The following DNAAF9 variants were observed in gnomAD, a reference collection of about 807,000 sequenced individuals.
DNAAF9 encodes dynein axonemal assembly factor 9, also known as shulin.
In DNAAF9, 90 loss-of-function variants were observed where a neutral mutation model predicts 167.0. That is an observed-to-expected ratio of 0.54 (90% CI 0.45 to 0.64). DNAAF9 has a LOEUF of 0.64. DNAAF9 is among the 30% of genes least tolerant of loss of function. The pLI is 0.00. For synonymous variants in DNAAF9, 491 were observed against 508.8 expected, an observed-to-expected ratio of 0.96 and a Z score of 0.47; for missense variants, 1,315 against 1,442.2, an observed-to-expected ratio of 0.91 and a Z score of 1.43.
In DNAAF9 at chr20:3,298,120, G is replaced by A. The variant is rs575069868; in HGVS notation, c.1838C>T (p.Pro613Leu). Residue 613 changes from proline (P) to leucine (L), a missense_variant, in exon 22 of 37, where the codon CCT (proline) becomes CTT (leucine). By Grantham distance (98) the Pro-to-Leu change is moderately conservative (BLOSUM62 -3). Around this residue, in one of 2 missense-constraint regions of DNAAF9, gnomAD observed 981 missense variants for 1,012.5 expected, o/e 0.97. Coordinates refer to ENST00000252032, the MANE Select transcript of DNAAF9 (RefSeq NM_001009984.3). ...TCCATGGAAATGAACTGGGAGGTGAGGAAGCAATGAGCTTTTGAAGTCTAT... is the reference window on the plus strand; with the variant it reads ...TCCATGGAAATGAACTGGGAGGTGAAGAAGCAATGAGCTTTTGAAGTCTAT... ...LLIDFKSSLL[P>L]HLPVHFHGSS... 1.9e-5 allele frequency: 31 copies of A among 1,613,100 alleles called. No individual in the cohort carries two copies. In the South Asian group the frequency reaches 3.1e-4, roughly 16 times the overall value.
At chr20:3,343,805 A>G in intron 8 of DNAAF9, 74 bp from the exon 9 acceptor site, 3 of 1,072,892 alleles carry the variant, frequency 2.8e-6, no homozygotes, top group Non-Finnish European at 2.9e-6. Flanking sequence ...TCACATATGT[A>G]TGTATGTACA....
At chr20:3,270,388 A>T in intron 30 of DNAAF9, 39 bp downstream of exon 30, 1 of 1,590,168 alleles carries the variant, frequency 6.3e-7, no homozygotes. Context: ...GCTGTATCTG[A>T]GAAAGCAACT....
chr20:3,268,164 G>A (rs1164721625), intron 30 of DNAAF9, among the ~76,000 whole-genome samples: 1 of 151,748 alleles, frequency 6.6e-6, no homozygotes, highest in Non-Finnish European at 1.5e-5. Context: ...GAGTAGCTGG[G>A]ATTACAGGTG....
intron 30 of DNAAF9, 28 bp downstream of exon 30, chr20:3,270,399 G>A (rs748207766): frequency 1.2e-6 from 2 of 1,603,888 alleles, no homozygotes; most frequent in South Asian, 1.1e-5. Context: ...GAAAGCAACT[G>A]GTCTTGCAGA....
At chr20:3,381,285 T>C (rs531207592) in intron 3 of DNAAF9, 94 bp downstream of exon 3, 2 of 1,079,246 alleles carry the variant, frequency 1.9e-6, no homozygotes, top group East Asian at 2.6e-5. Flanking sequence ...TGGACTATTT[T>C]AAATTTTATT....
intron 6 of DNAAF9, among the ~76,000 whole-genome samples, chr20:3,372,124 C>T (rs1261193999): frequency 1.3e-5 from 2 of 152,178 alleles, no homozygotes; most frequent in African/African-American, 4.8e-5. Context: ...TAATACAACA[C>T]AAGTTTTAAA....
intron 3 of DNAAF9, among the ~76,000 whole-genome samples, chr20:3,377,635 T>A (rs1055633700): frequency 1.3e-5 from 2 of 152,038 alleles, no homozygotes; most frequent in Admixed American, 6.6e-5. Context: ...TTTTTATTTT[T>A]TTTTTGTAGA....
chr20:3,312,124 G>A (rs1274225580), intron 20 of DNAAF9, among the ~76,000 whole-genome samples: 1 of 152,080 alleles, frequency 6.6e-6, no homozygotes, highest in Admixed American at 6.6e-5. Flanking sequence ...GAGTAGCTGG[G>A]ATTACAGGCA....
intron 1 of DNAAF9, among the ~76,000 whole-genome samples, chr20:3,386,822 A>C (rs2083746700): frequency 6.6e-6 from 1 of 152,206 alleles, no homozygotes; most frequent in South Asian, 2.1e-4. Flanking sequence ...CAATTTGTCA[A>C]AGAGGATACA....
chr20:3,376,938 G>A lies in DNAAF9; in HGVS notation c.284-636C>T, dbSNP rs564331408. Among the ~76,000 whole-genome samples the A allele has an allele frequency of 1.2e-3, 178 of 152,222 alleles. 1 individual carries two copies. Among genetic ancestry groups the A allele is most frequent in the South Asian group, 6.0e-3 (29 of 4,822 alleles). On this transcript the variant is annotated intron_variant, in intron 3 of 36. Coordinates refer to ENST00000252032, the MANE Select transcript of DNAAF9 (RefSeq NM_001009984.3). ...ACAAAAATTAGCCGGGTGTGGTGGC[G>A]CGCACCTGTAATCCCAGCTACTCAG... is the stretch of plus-strand genomic sequence containing the variant.
At chr20:3,394,949 C>CTTTTTTTTTTTTTTTTTTTTTTT (rs10522445) in intron 1 of DNAAF9, among the ~76,000 whole-genome samples, 1 of 102,132 alleles carries the variant, frequency 9.8e-6, no homozygotes, top group Non-Finnish European at 1.9e-5. Flanking sequence ...TTTCTTTTTT[C>CTTTTTTTTTTTTTTTTTTTTTTT]TTTTTTTTTT....
In DNAAF9 at chr20:3,259,962, G is replaced by A; in HGVS notation, c.2940C>T (p.Gly980=). 6.2e-7 allele frequency: 1 copy of A among 1,612,428 alleles called. No individual in the cohort carries two copies. The highest frequency in any genetic ancestry group is 2.2e-5 in the East Asian group (1 of 44,872). ...CAAAGCGAGTCTTCTCCAAGGGACGGCCAAACCATACGCAGATCTGAACCA... is the reference window on the plus strand; with the variant it reads ...CAAAGCGAGTCTTCTCCAAGGGACGACCAAACCATACGCAGATCTGAACCA... ...PLMVQICVWF[G]RPLEKTRFVA... The change falls in exon 32 of 37, where the codon GGC becomes GGT. Residue 980 remains glycine (G), a synonymous_variant. Coordinates refer to ENST00000252032, the MANE Select transcript of DNAAF9 (RefSeq NM_001009984.3).
intron 1 of DNAAF9, among the ~76,000 whole-genome samples, chr20:3,387,470 C>A (rs1365923474): frequency 6.6e-6 from 1 of 152,092 alleles, no homozygotes; most frequent in African/African-American, 2.4e-5. Flanking sequence ...CCTCACCGTA[C>A]ACCATATAAA....
At chr20:3,311,563 C>G (rs905153169) in intron 20 of DNAAF9, among the ~76,000 whole-genome samples, 7 of 152,102 alleles carry the variant, frequency 4.6e-5, no homozygotes, top group Non-Finnish European at 8.8e-5. Context: ...AAAACTATAA[C>G]TCACATGTCC....
At chr20:3,292,960 C>T (rs1174190844) in intron 25 of DNAAF9, among the ~76,000 whole-genome samples, 1 of 151,884 alleles carries the variant, frequency 6.6e-6, no homozygotes, top group Non-Finnish European at 1.5e-5. Context: ...GTGGCAGGTA[C>T]CTGAAATTCC....
chr20:3,281,082 G>A (rs527342238), intron 28 of DNAAF9, among the ~76,000 whole-genome samples: 2 of 152,016 alleles, frequency 1.3e-5, no homozygotes, highest in Non-Finnish European at 2.9e-5. Flanking sequence ...AGGCTGGGGT[G>A]CAGTGGCACG....
rs550474415 is a variant in DNAAF9, at chr20:3,403,027, A to C, written c.83+4448T>G. Among the ~76,000 whole-genome samples, 6 of 152,284 alleles carry C rather than the reference A, an allele frequency of 3.9e-5. No homozygotes were observed. In the South Asian group the frequency reaches 6.2e-4, roughly 16 times the overall value. ...TGTCTTCAAACAATAACTACCTGCT[A>C]TCTCTCCCTGTTACAGACATCTACA... On this transcript the variant is annotated intron_variant, in intron 1 of 36. Coordinates refer to ENST00000252032, the MANE Select transcript of DNAAF9 (RefSeq NM_001009984.3).
intron 21 of DNAAF9, 116 bp downstream of exon 21, chr20:3,304,324 G>C (rs2052753634): frequency 1.4e-6 from 1 of 695,834 alleles, no homozygotes; most frequent in African/African-American, 1.8e-5. Context: ...TGGCTGTGCT[G>C]GTTCCTGACA....
Position 3,294,586 on chromosome 20 carries a change from C to G in DNAAF9, c.2062G>C (p.Ala688Pro), listed in dbSNP as rs2069030194. 3.7e-6 allele frequency: 6 copies of G among 1,613,748 alleles called. No individual in the cohort carries two copies. Among genetic ancestry groups the G allele is most frequent in the African/African-American group, 1.3e-5 (1 of 74,944 alleles). ...QKLFSALSQP[A>P]GEKRSSLKLL... ...TTTAGGGAACTCCGTTTCTCCCCAG[C>G]AGGCTGGCTCAGGGCACTGAAGAGC... is the stretch of plus-strand genomic sequence containing the variant. The change falls in exon 24 of 37, where the codon GCT becomes CCT. Residue 688 changes from alanine (A) to proline (P), a missense_variant. Physicochemically the swap from Ala to Pro is conservative, Grantham distance 27. Around this residue, in one of 2 missense-constraint regions of DNAAF9, gnomAD observed 981 missense variants for 1,012.5 expected, o/e 0.97. Transcript: ENST00000252032.
Sources: gnomAD v4.1 joint callset for allele counts (sites outside exome capture counted in the v4.1 genomes callset) on GRCh38, gnomAD v4.1.1 for gene constraint, gnomAD v4.1.1 regional missense constraint, MANE v1.5 for transcripts, NCBI Gene and HGNC (gene_info 2026-07-23, HGNC 2026-07-21) for gene names.